The following FAM53B variants were observed in gnomAD, a reference collection of about 807,000 sequenced individuals.
FAM53B encodes the protein protein FAM53B.
FAM53B carries 12 observed loss-of-function variants against 32.7 expected under a neutral mutation model. The observed-to-expected ratio is 0.37, with a 90% CI of 0.24 to 0.59. The LOEUF is 0.59. Among genes scored for constraint, FAM53B ranks in the 20% least tolerant of loss-of-function variants. The pLI, the probability that FAM53B is intolerant of heterozygous loss-of-function variation, is 0.72. For missense variants in FAM53B, 477 were observed against 577.7 expected (o/e 0.83, Z 1.79); for synonymous variants, 234 against 228.7 (o/e 1.02, Z -0.21).
chr10:124,704,338 G>C (rs1949935640), intron 2 of FAM53B: 1 of 152,266 alleles, frequency 6.6e-6, no homozygotes, highest in South Asian at 2.1e-4. Flanking sequence ...ACAAGTAAGA[G>C]AGACATCCTC....
rs1949710525 is a variant in FAM53B, at chr10:124,672,136, A to T, written c.906+9471T>A. On this transcript the variant is annotated intron_variant, in intron 4 of 4. Coordinates refer to ENST00000337318, the MANE Select transcript of FAM53B (RefSeq NM_014661.4). ...CATGCTGCCAAAGGCGAAGTGGGCT[A>T]AAGTAAAGGCTTCACACTGATGGAC... 2.6e-5 allele frequency among the ~76,000 whole-genome samples: 4 copies of T among 152,248 alleles called. No individual in the cohort carries two copies. In the South Asian group the frequency reaches 8.3e-4, roughly 31 times the overall value.
At chr10:124,677,402 G>A (rs897690355) in intron 4 of FAM53B, among the ~76,000 whole-genome samples, 20 of 152,216 alleles carry the variant, frequency 1.3e-4, no homozygotes, top group African/African-American at 3.6e-4. Flanking sequence ...AAAACACCAC[G>A]TAAGGAGGAA....
At chr10:124,735,831 A>G (rs1041512159) in intron 1 of FAM53B, among the ~76,000 whole-genome samples, 1 of 152,386 alleles carries the variant, frequency 6.6e-6, no homozygotes, top group Non-Finnish European at 1.5e-5. Flanking sequence ...AATGGGGGCC[A>G]GAGAGACAGT....
chr10:124,699,028 G>A (rs1194871660), intron 2 of FAM53B, among the ~76,000 whole-genome samples: 1 of 152,224 alleles, frequency 6.6e-6, no homozygotes, highest in African/African-American at 2.4e-5. Context: ...CACGCAGCAG[G>A]CTTTGCACTG....
chr10:124,740,895 C>G (rs370342902), intron 1 of FAM53B, among the ~76,000 whole-genome samples: 10 of 152,198 alleles, frequency 6.6e-5, no homozygotes, highest in African/African-American at 2.4e-4. Flanking sequence ...TCGCTGAGCC[C>G]CGCCAGCTCC....
chr10:124,625,559 C>T (rs115091721), intron 4 of FAM53B, among the ~76,000 whole-genome samples: 7,981 of 152,240 alleles, frequency 0.052, 676 homozygotes, highest in African/African-American at 0.18. Flanking sequence ...CAGGCCTGGA[C>T]GATGGATCGG....
intron 3 of FAM53B, among the ~76,000 whole-genome samples, chr10:124,687,019 A>G (rs1384426109): frequency 1.3e-5 from 2 of 152,276 alleles, no homozygotes; most frequent in Non-Finnish European, 2.9e-5. Flanking sequence ...CTCAGTCTGC[A>G]GGCAGATAAT....
At chr10:124,675,557 G>A (rs1203843635) in intron 4 of FAM53B, among the ~76,000 whole-genome samples, 1 of 152,248 alleles carries the variant, frequency 6.6e-6, no homozygotes, top group Non-Finnish European at 1.5e-5. Flanking sequence ...CCACACTCAT[G>A]AGCAACAGGC....
intron 2 of FAM53B, among the ~76,000 whole-genome samples, chr10:124,698,115 T>C (rs1421977415): frequency 6.6e-6 from 1 of 152,172 alleles, no homozygotes; most frequent in Non-Finnish European, 1.5e-5. Context: ...GCCAGGGTCT[T>C]GCTTGCCAAG....
chr10:124,646,954 T>C (rs984623817), intron 4 of FAM53B, among the ~76,000 whole-genome samples: 2 of 152,208 alleles, frequency 1.3e-5, no homozygotes, highest in Non-Finnish European at 2.9e-5. Flanking sequence ...GCCAGCCTCC[T>C]GGCCGGGCCA....
At chr10:124,728,316 C>T (rs570275642) in intron 1 of FAM53B, among the ~76,000 whole-genome samples, 2 of 152,356 alleles carry the variant, frequency 1.3e-5, no homozygotes, top group East Asian at 3.9e-4. Context: ...GGTTCGTTCA[C>T]TCAGCCTGGC....
At chr10:124,730,600 C>G (rs1950136336) in intron 1 of FAM53B, among the ~76,000 whole-genome samples, 1 of 152,202 alleles carries the variant, frequency 6.6e-6, no homozygotes, top group South Asian at 2.1e-4. Flanking sequence ...CACACTGGGA[C>G]ACAGTCTCGT....
At chr10:124,670,335 G>C (rs1949700625) in intron 4 of FAM53B, among the ~76,000 whole-genome samples, 1 of 152,190 alleles carries the variant, frequency 6.6e-6, no homozygotes, top group Admixed American at 6.5e-5. Flanking sequence ...GAACCCCCAA[G>C]GTGGAAGATA....
At chr10:124,741,050 AAAC>A (rs1257305024) in intron 1 of FAM53B, among the ~76,000 whole-genome samples, 5 of 152,242 alleles carry the variant, frequency 3.3e-5, no homozygotes, top group African/African-American at 1.2e-4. Context: ...AGTTAAATCA[AAAC>A]ACCACTGGGG....
At chr10:124,629,444 G>T (rs967433092) in intron 4 of FAM53B, among the ~76,000 whole-genome samples, 1 of 152,162 alleles carries the variant, frequency 6.6e-6, no homozygotes, top group African/African-American at 2.4e-5. Context: ...TGTGTTAGAG[G>T]TCTTCATGGA....
At chr10:124,723,461 A>G (rs1399068606) in intron 1 of FAM53B, among the ~76,000 whole-genome samples, 1 of 152,224 alleles carries the variant, frequency 6.6e-6, no homozygotes, top group East Asian at 1.9e-4. Context: ...GCATAACAGA[A>G]AAACACAGTG....
At chr10:124,686,542 C>T (rs1949804110) in intron 3 of FAM53B, among the ~76,000 whole-genome samples, 1 of 152,230 alleles carries the variant, frequency 6.6e-6, no homozygotes, top group Non-Finnish European at 1.5e-5. Context: ...AAAAAGCCAA[C>T]TCAAAGCTCC....
intron 3 of FAM53B, among the ~76,000 whole-genome samples, chr10:124,683,954 G>A (rs745659154): frequency 2.0e-5 from 3 of 152,268 alleles, no homozygotes; most frequent in Non-Finnish European, 4.4e-5. Context: ...GACCTGTGCA[G>A]ACCAAAGGGA....
chr10:124,688,279 G>A (rs1404736534), intron 3 of FAM53B, among the ~76,000 whole-genome samples: 1 of 152,230 alleles, frequency 6.6e-6, no homozygotes, highest in Non-Finnish European at 1.5e-5. Flanking sequence ...GACCTGAGCA[G>A]AGCGCGATGG....
Sources: allele counts gnomAD v4.1 joint callset (sites outside exome capture counted in the v4.1 genomes callset), GRCh38; gene constraint gnomAD v4.1.1; transcripts MANE v1.5; gene names NCBI Gene and HGNC (gene_info 2026-07-23, HGNC 2026-07-21).